PELP1: variants seen among roughly 807,000 people sequenced by gnomAD.
PELP1 encodes the protein proline, glutamate and leucine rich protein 1.
PELP1 carries 32 observed loss-of-function variants against 95.5 expected under a neutral mutation model. That is an observed-to-expected ratio of 0.34 (90% CI 0.25 to 0.45). PELP1 has a LOEUF of 0.45. PELP1 is among the 20% of genes least tolerant of loss of function. PELP1 has a pLI of 1.00. For synonymous variants in PELP1, 668 were observed against 600.1 expected (o/e 1.11, Z -1.65); for missense variants, 1,358 against 1,444.8 (o/e 0.94, Z 0.97).
At chr17:4,680,780 A>G (rs1912655541) in intron 5 of PELP1, among the ~76,000 whole-genome samples, 1 of 152,236 alleles carries the variant, frequency 6.6e-6, no homozygotes, top group African/African-American at 2.4e-5. Context: ...ACAAAATAAG[A>G]GAACATTTAA....
chr17:4,692,764 C>T (rs1913157891), intron 1 of PELP1, among the ~76,000 whole-genome samples: 1 of 152,086 alleles, frequency 6.6e-6, no homozygotes, highest in Non-Finnish European at 1.5e-5. Flanking sequence ...AATCCCAGCA[C>T]TTTGGGATGC....
At chr17:4,676,324 A>C in intron 7 of PELP1, 33 bp downstream of exon 7, 1 of 1,605,692 alleles carries the variant, frequency 6.2e-7, no homozygotes. Context: ...CTTCCTCACT[A>C]TTGTTCCACT....
In PELP1 at chr17:4,683,098, T is replaced by C. The variant is rs187639728; in HGVS notation, c.421-146A>G. On this transcript the variant is annotated intron_variant, in intron 3 of 16. Transcript: ENST00000572293. ...CCACTACCTGGCAGAAAAGAGGGTG[T>C]GGAGACACGGATACTGTGTTTACAT... 76 of 1,323,626 alleles carry C rather than the reference T, an allele frequency of 5.7e-5. No individual in the cohort carries two copies. The Middle Eastern group carries it at 1.9e-3, about 32-fold the overall frequency. The allele number at this position is 1,323,626 out of a possible 1,614,324, so 82.0% of individuals were successfully genotyped here. A position where few individuals can be genotyped will look rare whatever the true frequency, so the allele number is the denominator to read the frequency against.
At chr17:4,685,792 T>TAAAAAAAAAAAAAA (rs750825796) in intron 3 of PELP1, among the ~76,000 whole-genome samples, 32 of 119,586 alleles carry the variant, frequency 2.7e-4, no homozygotes, top group African/African-American at 9.0e-4. Context: ...AACCATGTCT[T>TAAAAAAAAAAAAAA]AAAAAAAAAA....
At chr17:4,678,467 T>C (rs1403586943) in intron 5 of PELP1, among the ~76,000 whole-genome samples, 6 of 152,068 alleles carry the variant, frequency 3.9e-5, no homozygotes, top group Non-Finnish European at 7.4e-5. Flanking sequence ...CGAGACCCTA[T>C]CTCCAAAAAC....
intron 1 of PELP1, among the ~76,000 whole-genome samples, chr17:4,695,455 AG>A (rs1326714241): frequency 6.6e-6 from 1 of 152,060 alleles, no homozygotes; most frequent in Admixed American, 6.6e-5. Context: ...ACTTGAGGCC[AG>A]GAGTTCCATA....
In PELP1 at chr17:4,682,845, G is replaced by A. The variant is rs113938187; in HGVS notation, c.528C>T (p.His176=). The A allele has an allele frequency of 8.7e-6, 14 of 1,600,476 alleles. No homozygotes were observed. Among genetic ancestry groups the A allele is most frequent in the African/African-American group, 5.4e-5 (4 of 74,732 alleles). Residue 176 remains histidine, a synonymous_variant, in exon 4 of 17, where the codon CAC becomes CAT. Transcript: ENST00000572293. Reference sequence around the variant, plus strand: ...GCAGGGAGGTGAGAAGGCCAGGGAGGTGGTTCATGGAGATGTCCCGGAACA... The same window carrying A: ...GCAGGGAGGTGAGAAGGCCAGGGAGATGGTTCATGGAGATGTCCCGGAACA... ...PALFRDISMN[H]LPGLLTSLLG...
chr17:4,691,601 CCT>C (rs1491230171), intron 1 of PELP1, 159 bp from the exon 2 acceptor site: 2 of 610,806 alleles, frequency 3.3e-6, no homozygotes, highest in Non-Finnish European at 5.8e-6. Context: ...GAGCTTTTCC[CCT>C]TTTTTCCTGT....
At chr17:4,674,304 G>A (rs974984940) in intron 13 of PELP1, among the ~76,000 whole-genome samples, 3 of 152,224 alleles carry the variant, frequency 2.0e-5, no homozygotes, top group Admixed American at 6.5e-5. Context: ...GCCTCTCTGC[G>A]GGCTTCCGCC....
chr17:4,686,022 G>A (rs963420950), intron 3 of PELP1, among the ~76,000 whole-genome samples: 4 of 151,980 alleles, frequency 2.6e-5, no homozygotes, highest in Non-Finnish European at 4.4e-5. Context: ...ATTTGAACCC[G>A]GGAGGTGGAG....
At chr17:4,697,180 C>T (rs1597458058) in intron 1 of PELP1, among the ~76,000 whole-genome samples, 1 of 152,156 alleles carries the variant, frequency 6.6e-6, no homozygotes, top group African/African-American at 2.4e-5. Context: ...TCAGTCTTTA[C>T]TGGAAAGGAG....
chr17:4,671,556 T>A (rs753778335), intron 16 of PELP1, 25 bp from the exon 17 acceptor site: 2 of 1,612,786 alleles, frequency 1.2e-6, no homozygotes, highest in African/African-American at 1.3e-5. Context: ...GATACAAGAT[T>A]CAGAATAGTC....
chr17:4,703,599 C>A (rs1445903578), intron 1 of PELP1, among the ~76,000 whole-genome samples: 1 of 152,040 alleles, frequency 6.6e-6, no homozygotes, highest in South Asian at 2.1e-4. Flanking sequence ...AGTGAGTGAC[C>A]GGGCCTGGAA....
rs758652174 is a variant in PELP1 at position 4,676,048 on chromosome 17, C to T, written c.968G>A (p.Gly323Glu). 1 of 1,613,896 alleles carries T rather than the reference C, an allele frequency of 6.2e-7. No individual in the cohort carries two copies. Among genetic ancestry groups the T allele is most frequent in the Non-Finnish European group, 8.5e-7 (1 of 1,179,874 alleles). ...QRFSGLARCL[G>E]LMLSSEFGAP... is the part of the protein sequence containing the mutation. ...TACCCACACACACCTGAGCATGAGC[C>T]CTAGGCAGCGGGCCAGTCCCGAAAA... Residue 323 changes from glycine to glutamate, a missense_variant, in exon 8 of 17, where the codon GGG becomes GAG. Gly to Glu is a moderately conservative substitution (Grantham distance 98). This residue lies in a region of PELP1 where 538 missense variants were observed against 628.1 expected (regional missense o/e 0.86). Transcript: ENST00000572293.
intron 1 of PELP1, among the ~76,000 whole-genome samples, chr17:4,693,094 A>G (rs1432827771): frequency 6.6e-6 from 1 of 152,236 alleles, no homozygotes; most frequent in African/African-American, 2.4e-5. Flanking sequence ...TACCACAAAT[A>G]TAAAATGGCG....
chr17:4,674,561 G>C lies in PELP1; in HGVS notation c.1531C>G (p.Arg511Gly). Residue 511 changes from arginine (R) to glycine (G), a missense_variant, in exon 13 of 17, where the codon CGG becomes GGG. Around this residue, in one of 7 missense-constraint regions of PELP1, gnomAD observed 538 missense variants for 628.1 expected, o/e 0.86. Transcript: ENST00000572293. The stretch of plus-strand genomic sequence containing the variant: ...CTGTTGGCATTGCTATCCCCTTTCC[G>C]GTGGCTTGGCGGGGCCATAGCTTCC... ...VGEAMAPPSH[R>G]KGDSNANSDV... 1.2e-6 allele frequency: 2 copies of C among 1,612,814 alleles called. No homozygotes were observed. Among genetic ancestry groups the C allele is most frequent in the Non-Finnish European group, 1.7e-6 (2 of 1,179,506 alleles).
rs150304081 is a variant in PELP1, at chr17:4,673,824, A to G, written c.1583-150T>C. 7.6e-5 allele frequency: 53 copies of G among 697,476 alleles called. No individual in the cohort carries two copies. In the African/African-American group the frequency reaches 8.2e-4, roughly 11 times the overall value. 43.2% of individuals were successfully genotyped at this position (697,476 alleles called of 1,614,324 possible). A position where few individuals can be genotyped will look rare whatever the true frequency, so the allele number is the denominator to read the frequency against. The stretch of plus-strand genomic sequence containing the variant: ...TTCTCAACTAGAAAATGGGGATCAT[A>G]AAAGTACCTCTACTGTATAGGGCCA... On this transcript the variant is annotated intron_variant, in intron 13 of 16. Coordinates refer to ENST00000572293, the MANE Select transcript of PELP1 (RefSeq NM_014389.3). This position sits in a 1 kb window ranked among gnomAD's most constrained non-coding sequence, Gnocchi z 5.7.
chr17:4,674,782 C>T, intron 12 of PELP1, 27 bp downstream of exon 12: 1 of 1,602,074 alleles, frequency 6.2e-7, no homozygotes, highest in Non-Finnish European at 8.5e-7. Flanking sequence ...CAGGATGAGT[C>T]CTAAGGCGGA....
At chr17:4,703,815 C>T in intron 1 of PELP1, 48 bp downstream of exon 1, 1 of 1,514,650 alleles carries the variant, frequency 6.6e-7, no homozygotes, top group Admixed American at 1.9e-5. Flanking sequence ...GCACAGGTGC[C>T]GCGCCATCCT....
Sources: allele counts gnomAD v4.1 joint callset (sites outside exome capture counted in the v4.1 genomes callset), GRCh38; gene constraint gnomAD v4.1.1; regional missense constraint gnomAD v4.1.1; non-coding constraint Gnocchi (gnomAD v3.1); transcripts MANE v1.5; gene names NCBI Gene and HGNC (gene_info 2026-07-23, HGNC 2026-07-21).